ARHGAP29: variants seen among roughly 807,000 people sequenced by gnomAD.
ARHGAP29 encodes Rho GTPase activating protein 29, also known as rho GTPase-activating protein 29.
Under a neutral mutation model 122.6 loss-of-function variants are expected in ARHGAP29, and 43 were observed. The observed-to-expected ratio is 0.35, with a 90% CI of 0.27 to 0.45. The LOEUF (loss-of-function observed/expected upper bound fraction) is 0.45. ARHGAP29 is among the 20% of genes least tolerant of loss of function. The probability of loss-of-function intolerance (pLI) is 1.00; values close to 1 mark genes in which losing one functional copy is unlikely to be tolerated. For missense variants in ARHGAP29, 1,303 were observed against 1,477.2 expected (o/e 0.88, Z 1.93); for synonymous variants, 506 against 497.1 (o/e 1.02, Z -0.24).
At chr1:94,221,183 T>C (rs946186088) in intron 2 of ARHGAP29, among the ~76,000 whole-genome samples, 3 of 152,186 alleles carry the variant, frequency 2.0e-5, no homozygotes, top group Admixed American at 6.5e-5. Flanking sequence ...GGGATGCTAC[T>C]CACAGTCATG....
At chr1:94,278,290 G>GC (rs1655252746), upstream of ARHGAP29, among the ~76,000 whole-genome samples, 1 of 151,972 alleles carries the variant, frequency 6.6e-6, no homozygotes, top group Non-Finnish European at 1.5e-5. Context: ...CCGCATTCCA[G>GC]CGTAGGCAAC....
chr1:94,314,448 T>A, the ARHGAP29 span, among the ~76,000 whole-genome samples: 2 of 152,200 alleles, frequency 1.3e-5, no homozygotes, highest in African/African-American at 4.8e-5. Context: ...AGTAGCTCCC[T>A]GAACAAAGAA....
At chr1:94,228,413 G>C (rs1156928822) in intron 2 of ARHGAP29, among the ~76,000 whole-genome samples, 1 of 151,696 alleles carries the variant, frequency 6.6e-6, no homozygotes, top group African/African-American at 2.4e-5. Context: ...TCTGGTACAA[G>C]TGCCTCATTC....
chr1:94,289,434 A>G, the ARHGAP29 span, among the ~76,000 whole-genome samples: 1 of 152,214 alleles, frequency 6.6e-6, no homozygotes, highest in South Asian at 2.1e-4. Flanking sequence ...GTCATCTGCA[A>G]AGGCAGGGAC....
intron 1 of ARHGAP29, among the ~76,000 whole-genome samples, chr1:94,233,007 T>C (rs1653019385): frequency 6.6e-6 from 1 of 150,896 alleles, no homozygotes; most frequent in African/African-American, 2.4e-5. Flanking sequence ...TGCAGTGGTG[T>C]GATTATAGCT....
chr1:94,240,419 CCT>C (rs937451755), upstream of ARHGAP29, among the ~76,000 whole-genome samples: 3 of 152,078 alleles, frequency 2.0e-5, no homozygotes, highest in East Asian at 1.9e-4. Context: ...ATTAATCTCC[CCT>C]GACTTGATTT....
At chr1:94,261,497 C>T (rs1456564711) in intron 1 of ARHGAP29, among the ~76,000 whole-genome samples, 1 of 152,028 alleles carries the variant, frequency 6.6e-6, no homozygotes, top group East Asian at 1.9e-4. Flanking sequence ...GATCCTATGC[C>T]TAGAAAACTC....
intron 3 of ARHGAP29, among the ~76,000 whole-genome samples, chr1:94,213,243 G>C (rs1298980108): frequency 3.3e-5 from 5 of 152,138 alleles, no homozygotes; most frequent in Admixed American, 6.5e-5. Flanking sequence ...GCAGTGGCGT[G>C]ATCTCGGCTC....
Position 94,179,790 on chromosome 1 carries a change from G to A in ARHGAP29, c.2415C>T (p.Asp805=). Residue 805 remains aspartate (D), a synonymous_variant, in exon 20 of 23, where the codon GAC becomes GAT. Coordinates refer to ENST00000260526, the MANE Select transcript of ARHGAP29 (RefSeq NM_004815.4). ...TTGATGCTGGCAATTGTCTTAGAAG[G>A]TCTTTGCTTTTTAGAAGAATTCGGT... ...EINRILLKSK[D]LLRQLPASNF... The A allele has an allele frequency of 6.2e-7, 1 of 1,613,532 alleles. No individual in the cohort carries two copies. The highest frequency in any genetic ancestry group is 1.1e-5 in the South Asian group (1 of 91,066).
At chr1:94,255,500 G>A (rs923761409) in intron 1 of ARHGAP29, among the ~76,000 whole-genome samples, 3 of 152,170 alleles carry the variant, frequency 2.0e-5, no homozygotes, top group African/African-American at 7.2e-5. Context: ...GGTTCTAGTT[G>A]GATCCAGGAC....
chr1:94,271,031 A>G (rs1570630145), intron 1 of ARHGAP29, among the ~76,000 whole-genome samples: 1 of 152,316 alleles, frequency 6.6e-6, no homozygotes, highest in East Asian at 1.9e-4. Flanking sequence ...CAAGGCTGCA[A>G]CCAAGATGTT....
At chr1:94,220,035 T>C (rs1652198462) in intron 3 of ARHGAP29, among the ~76,000 whole-genome samples, 1 of 152,210 alleles carries the variant, frequency 6.6e-6, no homozygotes, top group African/African-American at 2.4e-5. Context: ...AAGTTAAGTC[T>C]TTTTAAAGTA....
At chr1:94,273,293 C>T (rs71652555) in intron 1 of ARHGAP29, among the ~76,000 whole-genome samples, 6,413 of 152,278 alleles carry the variant, frequency 0.042, 178 homozygotes, top group Non-Finnish European at 0.064. Context: ...CTCCTTTGCA[C>T]GAGCTAGTCT....
Position 94,174,232 on chromosome 1 carries a change from T to C in ARHGAP29, c.3423A>G (p.Arg1141=). 6.2e-7 allele frequency: 1 copy of C among 1,614,206 alleles called. No homozygotes were observed. The highest frequency in any genetic ancestry group is 8.5e-7 in the Non-Finnish European group (1 of 1,180,042). ...CGAGAGGGTAGGAATCTGAAGACCGTCTCTCAGATGCCTCTCTCACTGACC... is the reference window on the plus strand; with the variant it reads ...CGAGAGGGTAGGAATCTGAAGACCGCCTCTCAGATGCCTCTCTCACTGACC... ...PVRSVREASE[R]RSSDSYPLAP... is the part of the protein sequence containing the mutation. The change falls in exon 23 of 23, where the codon AGA becomes AGG. Residue 1141 remains arginine (R), a synonymous_variant. Coordinates refer to ENST00000260526, the MANE Select transcript of ARHGAP29 (RefSeq NM_004815.4).
At chr1:94,266,667 T>A (rs79121870) in intron 1 of ARHGAP29, among the ~76,000 whole-genome samples, 4,024 of 152,272 alleles carry the variant, frequency 0.026, 181 homozygotes, top group African/African-American at 0.092. Context: ...TTCTAAAGAA[T>A]ACCATTCAGG....
intron 12 of ARHGAP29, among the ~76,000 whole-genome samples, chr1:94,201,172 G>A (rs1650817600): frequency 6.6e-6 from 1 of 152,124 alleles, no homozygotes; most frequent in African/African-American, 2.4e-5. Flanking sequence ...GAAGTTTCAA[G>A]GGTCAAATCA....
intron 3 of ARHGAP29, among the ~76,000 whole-genome samples, chr1:94,213,038 C>T (rs536506937): frequency 1.1e-4 from 16 of 152,268 alleles, no homozygotes; most frequent in African/African-American, 2.9e-4. Flanking sequence ...ACCATTCAAA[C>T]CATTTACGGT....
At chr1:94,201,879 A>AG (rs758233085) in intron 11 of ARHGAP29, 22 bp from the exon 12 acceptor site, 10 of 1,546,950 alleles carry the variant, frequency 6.5e-6, no homozygotes, top group Admixed American at 4.1e-5. Context: ...TCACAGAAAA[A>AG]AAAATAACAC....
upstream of ARHGAP29, among the ~76,000 whole-genome samples, chr1:94,275,417 A>C (rs1655146111): frequency 6.6e-6 from 1 of 152,226 alleles, no homozygotes; most frequent in Non-Finnish European, 1.5e-5. Flanking sequence ...GTGGGAGTCA[A>C]CTTTGTTGCT....
Sources: allele counts gnomAD v4.1 joint callset (sites outside exome capture counted in the v4.1 genomes callset), GRCh38; gene constraint gnomAD v4.1.1; transcripts MANE v1.5; gene names NCBI Gene and HGNC (gene_info 2026-07-23, HGNC 2026-07-21).